MEIS1: variants seen among roughly 807,000 people sequenced by gnomAD.
The protein encoded by MEIS1 is Meis homeobox 1.
In MEIS1, 5 loss-of-function variants were observed where a neutral mutation model predicts 50.8. The ratio of observed to expected loss-of-function variants is 0.10; its 90% CI spans 0.05 to 0.21. The LOEUF (loss-of-function observed/expected upper bound fraction) is 0.21, where lower values mean the gene tolerates loss of function less well. MEIS1 is among the 10% of genes least tolerant of loss of function. The pLI, the probability that MEIS1 is intolerant of heterozygous loss-of-function variation, is 1.00. For missense variants in MEIS1, 318 were observed against 517.3 expected (o/e 0.61, Z 3.74); for synonymous variants, 176 against 179.3 (o/e 0.98, Z 0.15).
chr2:66,463,721 G>A (rs906758330), intron 6 of MEIS1, among the ~76,000 whole-genome samples: 1 of 152,276 alleles, frequency 6.6e-6, no homozygotes, highest in Non-Finnish European at 1.5e-5. Context: ...ATAAACCACA[G>A]TGTTATAGAC....
At chr2:66,449,670 A>C (rs149195289) in intron 6 of MEIS1, among the ~76,000 whole-genome samples, 1 of 152,178 alleles carries the variant, frequency 6.6e-6, no homozygotes, top group Admixed American at 6.5e-5. Flanking sequence ...ATTCACTAAA[A>C]TATTTGTCAC....
At chr2:66,569,663 T>C (rs1438538192) in intron 12 of MEIS1, 1 of 152,972 alleles carries the variant, frequency 6.5e-6, no homozygotes, top group Non-Finnish European at 1.5e-5. Flanking sequence ...TTTGATTTTT[T>C]TTCTTAGTTT....
chr2:66,499,663 C>T (rs1258630626), intron 7 of MEIS1, among the ~76,000 whole-genome samples: 1 of 148,070 alleles, frequency 6.8e-6, no homozygotes, highest in Non-Finnish European at 1.5e-5. Flanking sequence ...GTCTGTCTAG[C>T]CACACAGACC....
intron 6 of MEIS1, chr2:66,443,263 C>T: frequency 1.9e-6 from 1 of 520,948 alleles, no homozygotes. Flanking sequence ...CTTGTAAAAG[C>T]TTTGCTAGCA....
At chr2:66,524,240 A>G (rs940018639) in intron 8 of MEIS1, among the ~76,000 whole-genome samples, 4 of 152,034 alleles carry the variant, frequency 2.6e-5, no homozygotes, top group African/African-American at 9.7e-5. Context: ...GTCCAGCCTG[A>G]CTCTGGGTTT....
chr2:66,495,765 C>T (rs756279475), intron 7 of MEIS1, among the ~76,000 whole-genome samples: 5 of 152,130 alleles, frequency 3.3e-5, no homozygotes, highest in Non-Finnish European at 7.4e-5. Flanking sequence ...AGAAACACCC[C>T]CACTGTTAAG....
At chr2:66,513,593 A>G (rs962309474) in intron 8 of MEIS1, among the ~76,000 whole-genome samples, 2 of 151,376 alleles carry the variant, frequency 1.3e-5, no homozygotes, top group African/African-American at 4.9e-5. Flanking sequence ...CAGCAGGAAT[A>G]GCTAAAAAAA....
At chr2:66,543,416 G>A (rs138208424) in intron 8 of MEIS1, among the ~76,000 whole-genome samples, 19 of 152,304 alleles carry the variant, frequency 1.2e-4, no homozygotes, top group African/African-American at 4.6e-4. Flanking sequence ...TTGAAATAAG[G>A]ATGATCATTT....
Position 66,437,787 on chromosome 2 carries a change from C to G in MEIS1, c.63C>G (p.Ser21=). ...GCATGGATGGAGTAGGCATCCCCTC[C>G]ACGATGTATGGGGACCCGCATGCAG... The part of the protein sequence containing the change: ...YGGMDGVGIP[S]TMYGDPHAAR... Residue 21 remains serine (S), a synonymous_variant, in exon 2 of 13, where the codon TCC becomes TCG. Coordinates refer to ENST00000272369, the MANE Select transcript of MEIS1 (RefSeq NM_002398.3). The G allele has an allele frequency of 1.2e-6, 2 of 1,613,908 alleles. No individual in the cohort carries two copies. The highest frequency in any genetic ancestry group is 8.5e-7 in the Non-Finnish European group (1 of 1,179,886).
intron 7 of MEIS1, among the ~76,000 whole-genome samples, chr2:66,478,576 A>G (rs1356236245): frequency 6.6e-6 from 1 of 152,238 alleles, no homozygotes; most frequent in Non-Finnish European, 1.5e-5. Flanking sequence ...GGAAAGAACT[A>G]TGTGGTCTTT....
chr2:66,436,340 A>T (rs549459648), intron 1 of MEIS1, among the ~76,000 whole-genome samples: 21 of 152,106 alleles, frequency 1.4e-4, no homozygotes, highest in African/African-American at 4.6e-4. Context: ...GTCAGAAAAC[A>T]TTCATCTTTT....
At chr2:66,444,259 G>A (rs1484246933) in intron 6 of MEIS1, among the ~76,000 whole-genome samples, 5 of 151,732 alleles carry the variant, frequency 3.3e-5, no homozygotes, top group African/African-American at 1.2e-4. Flanking sequence ...GAAGAGATCA[G>A]CCTGCCTTTG....
chr2:66,473,132 A>G (rs1336070549), intron 7 of MEIS1, among the ~76,000 whole-genome samples: 1 of 151,830 alleles, frequency 6.6e-6, no homozygotes, highest in East Asian at 1.9e-4. Flanking sequence ...TAATCCCAGC[A>G]CTTTGGGACG....
At chr2:66,448,069 C>G (rs1040453185) in intron 6 of MEIS1, among the ~76,000 whole-genome samples, 2 of 152,022 alleles carry the variant, frequency 1.3e-5, no homozygotes, top group Non-Finnish European at 2.9e-5. Flanking sequence ...TTTTATATAG[C>G]TATTGGTCCT....
At chr2:66,559,333 C>A (rs910728065) in intron 9 of MEIS1, among the ~76,000 whole-genome samples, 1 of 152,182 alleles carries the variant, frequency 6.6e-6, no homozygotes, top group Admixed American at 6.5e-5. Context: ...ATGGTTTATG[C>A]CTGTTGCCCA....
chr2:66,479,531 G>T (rs934635797), intron 7 of MEIS1, among the ~76,000 whole-genome samples: 13 of 152,264 alleles, frequency 8.5e-5, no homozygotes, highest in African/African-American at 3.1e-4. Context: ...ATGATAATAT[G>T]ATTTTTTTGA....
Position 66,437,838 on chromosome 2 carries a change from C to T in MEIS1, c.114C>T (p.His38=), listed in dbSNP as rs770450690. 2.5e-6 allele frequency: 4 copies of T among 1,613,946 alleles called. No homozygotes were observed. Among genetic ancestry groups the T allele is most frequent in the South Asian group, 1.1e-5 (1 of 91,048 alleles). The part of the protein sequence containing the change: ...HAARSMQPVH[H]LNHGPPLHSH... ...CCAGGTCCATGCAGCCGGTCCACCACCTGAACCACGGGCCTCCTCTGCACT... is the reference window on the plus strand; with the variant it reads ...CCAGGTCCATGCAGCCGGTCCACCATCTGAACCACGGGCCTCCTCTGCACT... The change falls in exon 2 of 13, where the codon CAC becomes CAT. Residue 38 remains histidine (H), a synonymous_variant. Transcript: ENST00000272369.
At chr2:66,438,525 G>T (rs532934686) in intron 2 of MEIS1, among the ~76,000 whole-genome samples, 1 of 152,344 alleles carries the variant, frequency 6.6e-6, no homozygotes, top group Admixed American at 6.5e-5. Context: ...AGAGGAGCTT[G>T]CTCTGAATTG....
chr2:66,521,763 G>C (rs1558548854), intron 8 of MEIS1, among the ~76,000 whole-genome samples: 3 of 152,202 alleles, frequency 2.0e-5, no homozygotes, highest in Admixed American at 6.5e-5. Flanking sequence ...GACAGCTGCT[G>C]CTAATGTCTC....
Sources: gnomAD v4.1 joint callset for allele counts (sites outside exome capture counted in the v4.1 genomes callset) on GRCh38, gnomAD v4.1.1 for gene constraint, MANE v1.5 for transcripts, NCBI Gene and HGNC (gene_info 2026-07-23, HGNC 2026-07-21) for gene names.